WARS2: variants seen among roughly 807,000 people sequenced by gnomAD.
WARS2 encodes the protein tryptophan--tRNA ligase, mitochondrial.
WARS2 carries 28 observed loss-of-function variants against 36.5 expected under a neutral mutation model. The observed-to-expected ratio is 0.77, with a 90% CI of 0.57 to 1.05. The LOEUF is 1.05. WARS2 is among the 50% of genes least tolerant of loss of function. The pLI, the probability that WARS2 is intolerant of heterozygous loss-of-function variation, is 0.00. For missense variants in WARS2, 435 were observed against 456.8 expected (o/e 0.95, Z 0.44); for synonymous variants, 174 against 178.4 (o/e 0.98, Z 0.20).
rs970909983 is a variant in WARS2, at chr1:119,096,489, A to G, written c.91-19882T>C. ...ATATATTTTATATCTTTAGATGGGT[A>G]TATTCTACTTTTGCAAATATGCTTT... On this transcript the variant is annotated intron_variant, in intron 1 of 5. Coordinates refer to ENST00000235521, the MANE Select transcript of WARS2 (RefSeq NM_015836.4). 2.0e-5 allele frequency among the ~76,000 whole-genome samples: 3 copies of G among 152,142 alleles called. No homozygotes were observed. In the South Asian group the frequency reaches 6.2e-4, roughly 31 times the overall value.
At chr1:119,112,169 G>A (rs587602676) in intron 1 of WARS2, among the ~76,000 whole-genome samples, 13 of 152,130 alleles carry the variant, frequency 8.5e-5, no homozygotes, top group African/African-American at 2.6e-4. Flanking sequence ...TGATCTGGCC[G>A]CCTCAGCTTC....
chr1:119,052,873 T>G (rs1649479362), intron 2 of WARS2, among the ~76,000 whole-genome samples: 1 of 152,196 alleles, frequency 6.6e-6, no homozygotes, highest in South Asian at 2.1e-4. Context: ...ATAGCCCCTA[T>G]CTGAACATTC....
At chr1:119,103,923 ATATT>A (rs1208245392) in intron 1 of WARS2, among the ~76,000 whole-genome samples, 1 of 150,722 alleles carries the variant, frequency 6.6e-6, no homozygotes, top group Non-Finnish European at 1.5e-5. Flanking sequence ...GGAAAAATAT[ATATT>A]TTTTTCTTTT....
At chr1:119,056,378 C>G (rs569890064) in intron 2 of WARS2, among the ~76,000 whole-genome samples, 3 of 151,004 alleles carry the variant, frequency 2.0e-5, no homozygotes, top group Admixed American at 6.6e-5. Context: ...TGCAGTGTTC[C>G]CTACACTACA....
chr1:119,107,694 AGAG>A (rs1654342077), intron 1 of WARS2, among the ~76,000 whole-genome samples: 1 of 151,126 alleles, frequency 6.6e-6, no homozygotes, highest in African/African-American at 2.4e-5. Context: ...AGAGAGAGAG[AGAG>A]ATTAGTTAGG....
At chr1:119,110,723 A>G (rs1236422281) in intron 1 of WARS2, among the ~76,000 whole-genome samples, 3 of 152,060 alleles carry the variant, frequency 2.0e-5, no homozygotes, top group Non-Finnish European at 2.9e-5. Context: ...ATTTTTATTC[A>G]AATATTGATT....
chr1:119,132,102 TGAG>T (rs1656157507), intron 1 of WARS2, among the ~76,000 whole-genome samples: 1 of 152,152 alleles, frequency 6.6e-6, no homozygotes, highest in African/African-American at 2.4e-5. Flanking sequence ...TCTTACAATG[TGAG>T]GAGTATTATT....
At chr1:119,109,719 G>T (rs1049937539) in intron 1 of WARS2, among the ~76,000 whole-genome samples, 6 of 151,860 alleles carry the variant, frequency 4.0e-5, no homozygotes, top group Admixed American at 3.9e-4. Context: ...GACATAGGTG[G>T]ATTAACATCT....
chr1:119,039,063 T>C (rs975300311), intron 4 of WARS2, among the ~76,000 whole-genome samples: 2 of 152,216 alleles, frequency 1.3e-5, no homozygotes, highest in Admixed American at 1.3e-4. Context: ...CTCACTTTCA[T>C]CTCTATCTGA....
In WARS2 at chr1:119,031,218, G is replaced by A. The variant is rs1647404458; in HGVS notation, c.*1693C>T. ...CACACAAACAGATAAACAGACAATT[G>A]GCTTGATAGATCTACCTTTAGTTTT... On this transcript the variant is annotated 3_prime_UTR_variant, in exon 6 of 6. Transcript: ENST00000235521. 1 of 152,100 alleles carries A rather than the reference G, an allele frequency of 6.6e-6. No homozygotes were observed. Among genetic ancestry groups the A allele is most frequent in the Non-Finnish European group, 1.5e-5 (1 of 68,028 alleles). The allele number at this position is 152,100 out of a possible 1,614,324, so 9.4% of individuals were successfully genotyped here. A position where few individuals can be genotyped will look rare whatever the true frequency, so the allele number is the denominator to read the frequency against.
At chr1:119,121,633 C>T (rs1481553941) in intron 1 of WARS2, among the ~76,000 whole-genome samples, 1 of 152,066 alleles carries the variant, frequency 6.6e-6, no homozygotes, top group Non-Finnish European at 1.5e-5. Flanking sequence ...CATTACCCAG[C>T]TTCAAACTAT....
rs1647534896 is a variant in WARS2 at position 119,032,773 on chromosome 1, T to C, written c.*138A>G. On this transcript the variant is annotated 3_prime_UTR_variant, in exon 6 of 6. Transcript: ENST00000235521. Reference sequence around the variant, plus strand: ...GTATTTCAAAGCTACAAAGCAATATTCATCAAATAAAGCCAATAATCAGCT... The same window carrying C: ...GTATTTCAAAGCTACAAAGCAATATCCATCAAATAAAGCCAATAATCAGCT... The C allele has an allele frequency of 1.3e-6, 1 of 788,042 alleles. No individual in the cohort carries two copies. The highest frequency in any genetic ancestry group is 1.9e-5 in the South Asian group (1 of 52,632). 48.8% of individuals were successfully genotyped at this position (788,042 alleles called of 1,614,324 possible). A position where few individuals can be genotyped will look rare whatever the true frequency, so the allele number is the denominator to read the frequency against.
chr1:119,076,307 T>A (rs76845759), intron 2 of WARS2, 43 bp downstream of exon 2: 2 of 1,599,348 alleles, frequency 1.3e-6, no homozygotes, highest in South Asian at 2.2e-5. Context: ...CCTCAAATAA[T>A]CTACACATAA....
In WARS2 at chr1:119,140,580, C is replaced by T; in HGVS notation, c.65G>A (p.Gly22Glu). The change falls in exon 1 of 6, where the codon GGA (glycine) becomes GAA (glutamate). Residue 22 changes from glycine (G) to glutamate (E), a missense_variant. Coordinates refer to ENST00000235521, the MANE Select transcript of WARS2 (RefSeq NM_015836.4). ...RWSFIRALHK[G>E]SAAAPALQKD... The stretch of plus-strand genomic sequence containing the variant: ...CTGGAGAGCGGGAGCAGCTGCGGAT[C>T]CCTTATGAAGTGCCCGGATGAAGCT... 6.2e-7 allele frequency: 1 copy of T among 1,613,494 alleles called. No individual in the cohort carries two copies. The highest frequency in any genetic ancestry group is 8.5e-7 in the Non-Finnish European group (1 of 1,179,552).
At chr1:119,059,970 A>G (rs1005064860) in intron 2 of WARS2, among the ~76,000 whole-genome samples, 2 of 152,224 alleles carry the variant, frequency 1.3e-5, no homozygotes, top group African/African-American at 4.8e-5. Context: ...AGGATCAGGA[A>G]AAATAACTAA....
intron 1 of WARS2, among the ~76,000 whole-genome samples, chr1:119,107,165 T>G (rs1461406510): frequency 6.6e-6 from 1 of 152,150 alleles, no homozygotes; most frequent in Non-Finnish European, 1.5e-5. Context: ...ATTTTCTTAT[T>G]ATTGAGTTAT....
chr1:119,085,455 T>G (rs1652572116), intron 1 of WARS2: 3 of 1,527,284 alleles, frequency 2.0e-6, no homozygotes, highest in Middle Eastern at 1.7e-4. Flanking sequence ...TGTCTCTTTT[T>G]CTTTTTTTCC....
chr1:119,107,008 G>A (rs587747102), intron 1 of WARS2, among the ~76,000 whole-genome samples: 2 of 152,186 alleles, frequency 1.3e-5, no homozygotes, highest in East Asian at 3.9e-4. Context: ...CATTCTGTTA[G>A]GTGTGTAGTC....
chr1:119,104,935 A>T (rs1412134099), intron 1 of WARS2, among the ~76,000 whole-genome samples: 1 of 152,128 alleles, frequency 6.6e-6, no homozygotes, highest in Non-Finnish European at 1.5e-5. Flanking sequence ...CTGGCAAATG[A>T]TTCGAGGATT....
Sources: allele counts gnomAD v4.1 joint callset (sites outside exome capture counted in the v4.1 genomes callset), GRCh38; gene constraint gnomAD v4.1.1; transcripts MANE v1.5; gene names NCBI Gene and HGNC (gene_info 2026-07-23, HGNC 2026-07-21).